MAS1: variants seen among roughly 807,000 people sequenced by gnomAD.
MAS1 encodes proto-oncogene Mas.
For missense variants in MAS1, 387 were observed against 409.7 expected, an observed-to-expected ratio of 0.94 and a Z score of 0.48; for synonymous variants, 163 against 164.2, an observed-to-expected ratio of 0.99 and a Z score of 0.05.
intron 1 of MAS1, among the ~76,000 whole-genome samples, chr6:159,896,057 C>A (rs1417161139): frequency 6.6e-6 from 1 of 152,164 alleles, no homozygotes; most frequent in Non-Finnish European, 1.5e-5. Flanking sequence ...GCCTGTAATC[C>A]CAGCACTGCG....
At chr6:159,901,107 C>T (rs1419450601) in intron 2 of MAS1, among the ~76,000 whole-genome samples, 1 of 152,130 alleles carries the variant, frequency 6.6e-6, no homozygotes, top group Non-Finnish European at 1.5e-5. Context: ...TCCTCTGTGC[C>T]CTCACAGAGA....
Position 159,908,452 on chromosome 6 carries a change from T to C in MAS1, c.*519T>C, listed in dbSNP as rs559188116. On this transcript the variant is annotated 3_prime_UTR_variant, in exon 3 of 3. Transcript: ENST00000674077. ...GCACATTGTGGATGTTCAACAAATATCAGTCTCTCCTCACTCCCTTCAATG... is the reference window on the plus strand; with the variant it reads ...GCACATTGTGGATGTTCAACAAATACCAGTCTCTCCTCACTCCCTTCAATG... 2 of 152,194 alleles carry C rather than the reference T, an allele frequency of 1.3e-5. No homozygotes were observed. Among genetic ancestry groups the C allele is most frequent in the African/African-American group, 4.8e-5 (2 of 41,360 alleles). 9.4% of individuals were successfully genotyped at this position (152,194 alleles called of 1,614,324 possible).
chr6:159,907,450 C>G lies in MAS1; in HGVS notation c.495C>G (p.Thr165=), dbSNP rs1177252397. Residue 165 remains threonine (T), a synonymous_variant, in exon 3 of 3, where the codon ACC becomes ACG. Transcript: ENST00000674077. ...GGGCTCTTTCTTGCTTGGTGACCAC[C>G]ATGGAGTATGTCATGTGCATCGACA... ...LLWALSCLVT[T]MEYVMCIDRE... is the part of the protein sequence containing the mutation. 1.9e-6 allele frequency: 3 copies of G among 1,613,898 alleles called. No homozygotes were observed. The African/African-American group carries it at 4.0e-5, about 22-fold the overall frequency.
rs1306235117 is a variant in MAS1, at chr6:159,914,028, A to T, written c.*6095A>T. On this transcript the variant is annotated 3_prime_UTR_variant, in exon 3 of 3. Coordinates refer to ENST00000674077, the MANE Select transcript of MAS1 (RefSeq NM_002377.4). ...ACCCAACATGAAACTAATGATTCAA[A>T]TGATAAGAGGCAAGTGCCAGGCACA... The T allele has an allele frequency of 6.6e-6, 1 of 152,264 alleles. No homozygotes were observed. Among genetic ancestry groups the T allele is most frequent in the Non-Finnish European group, 1.5e-5 (1 of 68,048 alleles). 9.4% of individuals were successfully genotyped at this position (152,264 alleles called of 1,614,324 possible).
At chr6:159,903,043 A>G (rs1782840683) in intron 2 of MAS1, among the ~76,000 whole-genome samples, 1 of 151,550 alleles carries the variant, frequency 6.6e-6, no homozygotes, top group South Asian at 2.1e-4. Context: ...TAACCCCAAA[A>G]CTACACTGCC....
chr6:159,897,358 G>A (rs1782766534), intron 1 of MAS1, among the ~76,000 whole-genome samples: 1 of 152,128 alleles, frequency 6.6e-6, no homozygotes, highest in South Asian at 2.1e-4. Flanking sequence ...GGCACCAGCT[G>A]GTGCATCAGA....
At position 159,915,330 on chromosome 6, in the gene MAS1, C is replaced by T. The variant is rs944619785; in HGVS notation, c.*7397C>T. The T allele has an allele frequency of 6.6e-6, 1 of 152,212 alleles. No individual in the cohort carries two copies. The highest frequency in any genetic ancestry group is 1.5e-5 in the Non-Finnish European group (1 of 68,052). 9.4% of individuals were successfully genotyped at this position (152,212 alleles called of 1,614,324 possible). On this transcript the variant is annotated 3_prime_UTR_variant, in exon 3 of 3. Transcript: ENST00000674077. ...TCTCCAGCCTCCCTGCCCCATAAAC[C>T]TATAAATCCCAAATTTATTTATAAT...
At chr6:159,898,369 G>C (rs1247540171) in intron 1 of MAS1, among the ~76,000 whole-genome samples, 1 of 152,088 alleles carries the variant, frequency 6.6e-6, no homozygotes, top group Admixed American at 6.6e-5. Flanking sequence ...GCTAAGATCA[G>C]GCACGCTGGG....
chr6:159,911,068 C>T lies in MAS1; in HGVS notation c.*3135C>T, dbSNP rs1782959218. ...CACTTCTTTCCTCCCTCTTCTACTG[C>T]TCCTCCCTTAAATGGACACATTTTC... On this transcript the variant is annotated 3_prime_UTR_variant, in exon 3 of 3. Coordinates refer to ENST00000674077, the MANE Select transcript of MAS1 (RefSeq NM_002377.4). The T allele has an allele frequency of 6.6e-6, 1 of 152,194 alleles. No homozygotes were observed. Among genetic ancestry groups the T allele is most frequent in the African/African-American group, 2.4e-5 (1 of 41,442 alleles). The allele number at this position is 152,194 out of a possible 1,614,324, so 9.4% of individuals were successfully genotyped here.
chr6:159,893,193 T>A (rs114817074), intron 1 of MAS1, among the ~76,000 whole-genome samples: 1,814 of 152,296 alleles, frequency 0.012, 43 homozygotes, highest in African/African-American at 0.042. Context: ...GCTTATGGTG[T>A]CTTGTGTGAG....
In MAS1 at chr6:159,917,368, T is replaced by C. The variant is rs981770741; in HGVS notation, c.*9435T>C. On this transcript the variant is annotated 3_prime_UTR_variant, in exon 3 of 3. Transcript: ENST00000674077. ...GCTCAGGGACCATTTTGTTCACTTG[T>C]ATCAAACTATATTCTCTGGATTCAG... Among the ~76,000 whole-genome samples the C allele has an allele frequency of 2.0e-5, 3 of 152,238 alleles. No individual in the cohort carries two copies. The highest frequency in any genetic ancestry group is 2.9e-5 in the Non-Finnish European group (2 of 68,042).
chr6:159,890,900 A>T (rs144483475), upstream of MAS1, among the ~76,000 whole-genome samples: 6 of 152,354 alleles, frequency 3.9e-5, no homozygotes, highest in East Asian at 1.2e-3. Context: ...TGTGTCACTG[A>T]ATGATGCCAT....
At chr6:159,897,267 A>T (rs1269898455) in intron 1 of MAS1, among the ~76,000 whole-genome samples, 1 of 152,014 alleles carries the variant, frequency 6.6e-6, no homozygotes, top group Non-Finnish European at 1.5e-5. Flanking sequence ...AAGTCACAGG[A>T]AGTTCAAGCA....
In MAS1 at chr6:159,914,866, C is replaced by T. The variant is rs1293141956; in HGVS notation, c.*6933C>T. The T allele has an allele frequency of 6.6e-6, 1 of 152,262 alleles. No homozygotes were observed. The highest frequency in any genetic ancestry group is 6.5e-5 in the Admixed American group (1 of 15,286). 9.4% of individuals were successfully genotyped at this position (152,262 alleles called of 1,614,324 possible). A position where few individuals can be genotyped will look rare whatever the true frequency, so the allele number is the denominator to read the frequency against. On this transcript the variant is annotated 3_prime_UTR_variant, in exon 3 of 3. Transcript: ENST00000674077. ...ATGCTCACCTGTAATTCTCTCCTGT[C>T]ACCTTGGAAACCATGGATCTAGAGA...
rs1288444872 is a variant in MAS1, at chr6:159,914,959, A to G, written c.*7026A>G. Reference sequence around the variant, plus strand: ...GTCCGAATTGATTGTTTCTCTTACCAGTTCTGGCTTCTTTCAATTCTGTGG... The same window carrying G: ...GTCCGAATTGATTGTTTCTCTTACCGGTTCTGGCTTCTTTCAATTCTGTGG... On this transcript the variant is annotated 3_prime_UTR_variant, in exon 3 of 3. Transcript: ENST00000674077. 6.6e-6 allele frequency: 1 copy of G among 152,180 alleles called. No individual in the cohort carries two copies. Among genetic ancestry groups the G allele is most frequent in the Non-Finnish European group, 1.5e-5 (1 of 68,052 alleles). The allele number at this position is 152,180 out of a possible 1,614,324, so 9.4% of individuals were successfully genotyped here. A position where few individuals can be genotyped will look rare whatever the true frequency, so the allele number is the denominator to read the frequency against.
At chr6:159,902,265 T>C (rs991257037) in intron 2 of MAS1, 1 of 152,156 alleles carries the variant, frequency 6.6e-6, no homozygotes, top group African/African-American at 2.4e-5. Context: ...GGTTTGTAAT[T>C]AAAAGATGAA....
At chr6:159,893,932 T>G (rs1782727607) in intron 1 of MAS1, among the ~76,000 whole-genome samples, 1 of 152,004 alleles carries the variant, frequency 6.6e-6, no homozygotes, top group Non-Finnish European at 1.5e-5. Flanking sequence ...AGTGTCCAGT[T>G]TTTTGTGTTG....
In MAS1 at chr6:159,909,646, G is replaced by A. The variant is rs1203849677; in HGVS notation, c.*1713G>A. On this transcript the variant is annotated 3_prime_UTR_variant, in exon 3 of 3. Transcript: ENST00000674077. ...TCCCTGGGAAAGAACAGAATATGGA[G>A]ATCAGAGCAACTCCCCTCTGTTTCC... The A allele has an allele frequency of 6.6e-6, 1 of 152,212 alleles. No individual in the cohort carries two copies. Among genetic ancestry groups the A allele is most frequent in the Non-Finnish European group, 1.5e-5 (1 of 68,058 alleles). 9.4% of individuals were successfully genotyped at this position (152,212 alleles called of 1,614,324 possible). A position where few individuals can be genotyped will look rare whatever the true frequency, so the allele number is the denominator to read the frequency against.
Position 159,907,150 on chromosome 6 carries a change from C to A in MAS1, c.195C>A (p.Pro65=). 6.2e-7 allele frequency: 1 copy of A among 1,614,226 alleles called. No homozygotes were observed. Among genetic ancestry groups the A allele is most frequent in the South Asian group, 1.1e-5 (1 of 91,092 alleles). The change falls in exon 3 of 3, where the codon CCC becomes CCA. Residue 65 remains proline, a synonymous_variant. Coordinates refer to ENST00000674077, the MANE Select transcript of MAS1 (RefSeq NM_002377.4). ...WFLCFRMRRN[P]FTVYITHLSI... is the part of the protein sequence containing the mutation. ...TGTGCTTCCGGATGAGAAGAAATCC[C>A]TTCACTGTCTACATCACCCACCTGT...
Sources: gnomAD v4.1 joint callset for allele counts (sites outside exome capture counted in the v4.1 genomes callset) on GRCh38, gnomAD v4.1.1 for gene constraint, MANE v1.5 for transcripts, NCBI Gene and HGNC (gene_info 2026-07-23, HGNC 2026-07-21) for gene names.